KCNK10: variants seen among roughly 807,000 people sequenced by gnomAD.
The protein encoded by KCNK10 is potassium two pore domain channel subfamily K member 10, also known as potassium channel subfamily K member 10.
Under a neutral mutation model 47.7 loss-of-function variants are expected in KCNK10, and 25 were observed. The ratio of observed to expected loss-of-function variants is 0.52; its 90% CI spans 0.38 to 0.73. The LOEUF (loss-of-function observed/expected upper bound fraction) is 0.73. Among genes scored for constraint, KCNK10 ranks in the 30% least tolerant of loss-of-function variants. KCNK10 has a pLI of 0.00. For missense variants in KCNK10, 563 were observed against 714.5 expected (o/e 0.79, Z 2.42); for synonymous variants, 303 against 285.6 (o/e 1.06, Z -0.61).
At position 88,322,773 on chromosome 14, in the gene KCNK10, C is replaced by T; in HGVS notation, c.26G>A (p.Arg9Lys). The change falls in exon 1 of 7, where the codon AGA becomes AAA. Residue 9 changes from arginine to lysine, a missense_variant. Coordinates refer to ENST00000319231, the MANE Select transcript of KCNK10 (RefSeq NM_138317.3). The surrounding 1 kb of genome is among the most constrained non-coding windows in gnomAD (Gnocchi z 4.8). ...TTTAGGATCCCAGTTCACCTGTTTT[C>T]TTGGCGTCTCGATTGGAAATTTCAT... MKFPIETP[R>K]KQVNWDPKVA... 1.9e-6 allele frequency: 3 copies of T among 1,614,166 alleles called. No individual in the cohort carries two copies. The highest frequency in any genetic ancestry group is 1.7e-6 in the Non-Finnish European group (2 of 1,180,032).
At chr14:88,274,489 T>G (rs1887481461) in intron 1 of KCNK10, among the ~76,000 whole-genome samples, 1 of 127,554 alleles carries the variant, frequency 7.8e-6, no homozygotes, top group African/African-American at 2.9e-5. Context: ...AGGAGGAGGT[T>G]GCAGTGAGTC....
At position 88,192,178 on chromosome 14, in the gene KCNK10, T is replaced by C. The variant is rs765522984; in HGVS notation, c.868+46A>G. ...TGCGAAAAGCACAGCCAACAGATTA[T>C]TTTTCCCGCCAGAGCCCCAGTGCCT... On this transcript the variant is annotated intron_variant, in intron 5 of 6. Coordinates refer to ENST00000319231, the MANE Select transcript of KCNK10 (RefSeq NM_138317.3). 1.1e-5 allele frequency: 17 copies of C among 1,536,072 alleles called. No homozygotes were observed. In the East Asian group the frequency reaches 3.7e-4, roughly 33 times the overall value.
rs531052678 is a variant in KCNK10, at chr14:88,300,752, CT to C, written c.52+21994del. On this transcript the variant is annotated intron_variant, in intron 1 of 6. Transcript: ENST00000319231. ...GTTCAATCTGGATTCATTCCTAATG[CT>C]TCTTTTAAAGAACTCACCTATGCCT... Among the ~76,000 whole-genome samples, 7 of 152,292 alleles carry C rather than the reference CT, an allele frequency of 4.6e-5. No individual in the cohort carries two copies. The South Asian group carries it at 1.5e-3, about 32-fold the overall frequency.
At chr14:88,312,839 T>C (rs148822512) in intron 1 of KCNK10, among the ~76,000 whole-genome samples, 3 of 152,358 alleles carry the variant, frequency 2.0e-5, no homozygotes, top group Non-Finnish European at 1.5e-5. Flanking sequence ...TATGCTGGGA[T>C]CTATTATGAG....
intron 1 of KCNK10, 136 bp from the exon 2 acceptor site, chr14:88,263,687 C>A (rs1454299927): frequency 2.6e-6 from 2 of 775,386 alleles, no homozygotes; most frequent in Non-Finnish European, 4.0e-6. Context: ...TTCACCAAGC[C>A]TGCAGTTAGG....
At chr14:88,291,895 A>T (rs1566716326) in intron 1 of KCNK10, among the ~76,000 whole-genome samples, 1 of 151,580 alleles carries the variant, frequency 6.6e-6, no homozygotes, top group Non-Finnish European at 1.5e-5. Context: ...AAGCTACATC[A>T]AAGCCTTCAG....
intron 4 of KCNK10, among the ~76,000 whole-genome samples, chr14:88,210,801 C>A (rs76079059): frequency 6.7e-6 from 1 of 148,504 alleles, no homozygotes; most frequent in Non-Finnish European, 1.5e-5. Flanking sequence ...TTACCAAACG[C>A]TGTCATTTGG....
chr14:88,275,054 C>A (rs1027824554), intron 1 of KCNK10, among the ~76,000 whole-genome samples: 2 of 152,162 alleles, frequency 1.3e-5, no homozygotes, highest in African/African-American at 4.8e-5. Context: ...ATGCCCCCAG[C>A]CTCTTCAGGG....
intron 4 of KCNK10, among the ~76,000 whole-genome samples, chr14:88,224,176 A>C (rs1365181279): frequency 6.6e-6 from 1 of 152,208 alleles, no homozygotes; most frequent in Non-Finnish European, 1.5e-5. Context: ...GTGGTGGTGC[A>C]AGAAGGCCAT....
At chr14:88,310,525 T>G (rs1888305930) in intron 1 of KCNK10, among the ~76,000 whole-genome samples, 1 of 152,128 alleles carries the variant, frequency 6.6e-6, no homozygotes, top group Non-Finnish European at 1.5e-5. Flanking sequence ...TTTATAGGGC[T>G]CCTCAAATCC....
intron 1 of KCNK10, among the ~76,000 whole-genome samples, chr14:88,301,372 C>T (rs909705201): frequency 1.3e-5 from 2 of 152,114 alleles, no homozygotes; most frequent in Non-Finnish European, 2.9e-5. Flanking sequence ...CTTGACTTCA[C>T]AGAGATATCA....
At chr14:88,243,481 T>G (rs1886537920) in intron 2 of KCNK10, among the ~76,000 whole-genome samples, 1 of 152,134 alleles carries the variant, frequency 6.6e-6, no homozygotes, top group African/African-American at 2.4e-5. Context: ...TTGCCTCCCC[T>G]ACTCCCATCT....
intron 1 of KCNK10, among the ~76,000 whole-genome samples, chr14:88,299,315 C>T (rs17770834): frequency 0.048 from 7,316 of 152,296 alleles, 226 homozygotes; most frequent in Non-Finnish European, 0.065. Flanking sequence ...GATGGCTTAT[C>T]TAAAAGCTGC....
intron 1 of KCNK10, among the ~76,000 whole-genome samples, chr14:88,288,587 T>C (rs1039925002): frequency 1.3e-5 from 2 of 152,122 alleles, no homozygotes; most frequent in Non-Finnish European, 2.9e-5. Context: ...ATTCGATCCC[T>C]CCACTGCATG....
intron 4 of KCNK10, among the ~76,000 whole-genome samples, chr14:88,204,590 C>G (rs945134995): frequency 6.6e-6 from 1 of 151,072 alleles, no homozygotes; most frequent in African/African-American, 2.4e-5. Context: ...CCCAACTCCC[C>G]CCTACCCCCG....
intron 2 of KCNK10, among the ~76,000 whole-genome samples, chr14:88,246,935 C>T (rs1470624055): frequency 6.6e-6 from 1 of 152,180 alleles, no homozygotes; most frequent in Non-Finnish European, 1.5e-5. Context: ...AACAGGAACC[C>T]TTTCGGAGCA....
At chr14:88,309,663 A>G (rs1888272003) in intron 1 of KCNK10, among the ~76,000 whole-genome samples, 2 of 152,200 alleles carry the variant, frequency 1.3e-5, no homozygotes. Flanking sequence ...TGGCATTGCC[A>G]TAAGCATCAC....
At chr14:88,240,492 C>T (rs908774098) in intron 3 of KCNK10, among the ~76,000 whole-genome samples, 1 of 152,174 alleles carries the variant, frequency 6.6e-6, no homozygotes, top group Non-Finnish European at 1.5e-5. Context: ...ATTAGGTTTG[C>T]TAGCCTTTCA....
At position 88,311,324 on chromosome 14, in the gene KCNK10, C is replaced by T. The variant is rs73314210; in HGVS notation, c.52+11423G>A. ...CCACTTCAAATCAATCAAGACATTC[C>T]TGTTATTCTCAGAAAAAAAGAGTTC... is the stretch of plus-strand genomic sequence containing the variant. On this transcript the variant is annotated intron_variant, in intron 1 of 6. Coordinates refer to ENST00000319231, the MANE Select transcript of KCNK10 (RefSeq NM_138317.3). Among the ~76,000 whole-genome samples, 1,180 of 147,730 alleles carry T rather than the reference C, an allele frequency of 8.0e-3. 17 individuals carry two copies. Among genetic ancestry groups the T allele is most frequent in the African/African-American group, 0.029 (1,135 of 39,646 alleles).
Sources: gnomAD v4.1 joint callset for allele counts (sites outside exome capture counted in the v4.1 genomes callset) on GRCh38, gnomAD v4.1.1 for gene constraint, Gnocchi (gnomAD v3.1) non-coding constraint, MANE v1.5 for transcripts, NCBI Gene and HGNC (gene_info 2026-07-23, HGNC 2026-07-21) for gene names.